Variants in ST7L observed in about 807,000 individuals in gnomAD.
ST7L encodes suppressor of tumorigenicity 7 protein-like.
ST7L carries 57 observed loss-of-function variants against 72.5 expected under a neutral mutation model. The ratio of observed to expected loss-of-function variants is 0.79; its 90% CI spans 0.64 to 0.98. The LOEUF (loss-of-function observed/expected upper bound fraction) is 0.98. ST7L is among the 50% of genes least tolerant of loss of function. The pLI is 0.00. For synonymous variants in ST7L, 221 were observed against 240.9 expected (o/e 0.92, Z 0.77); for missense variants, 576 against 672.2 (o/e 0.86, Z 1.58).
At chr1:112,605,689 C>CA (rs533526835) in intron 3 of ST7L, among the ~76,000 whole-genome samples, 2,219 of 142,676 alleles carry the variant, frequency 0.016, 25 homozygotes, top group East Asian at 0.054. Context: ...GACTCTGTCT[C>CA]AAAAAAAAAA....
rs977970123 is a variant in ST7L, at chr1:112,541,616, T to G, written c.1629+335A>C. Among the ~76,000 whole-genome samples, 6 of 152,226 alleles carry G rather than the reference T, an allele frequency of 3.9e-5. 1 individual carries two copies. The highest frequency in any genetic ancestry group is 2.6e-4 in the Admixed American group (4 of 15,296). ...AATGATTTCATTTAAATGAAAAAAA[T>G]CAAAGGGTTTGTTTACAAAATAGGG... On this transcript the variant is annotated intron_variant, in intron 14 of 14. Coordinates refer to ENST00000358039, the MANE Select transcript of ST7L (RefSeq NM_017744.5).
chr1:112,549,499 A>G (rs1396713421), intron 13 of ST7L, among the ~76,000 whole-genome samples: 1 of 152,226 alleles, frequency 6.6e-6, no homozygotes, highest in South Asian at 2.1e-4. Context: ...TTTAGTGTAC[A>G]TGTCTTAAAT....
At chr1:112,594,164 A>AT (rs1376739915) in intron 5 of ST7L, among the ~76,000 whole-genome samples, 1 of 150,766 alleles carries the variant, frequency 6.6e-6, no homozygotes, top group African/African-American at 2.4e-5. Flanking sequence ...CACAATTCCT[A>AT]TACCTGCTCA....
At chr1:112,597,055 C>T (rs1463292084) in intron 5 of ST7L, among the ~76,000 whole-genome samples, 1 of 152,104 alleles carries the variant, frequency 6.6e-6, no homozygotes, top group Non-Finnish European at 1.5e-5. Context: ...AGTTTATACC[C>T]TAGTAGCAAA....
downstream of ST7L, chr1:112,521,593 GC>G (rs1475643635): frequency 6.6e-6 from 1 of 152,278 alleles, no homozygotes. Flanking sequence ...GCAGGTTGGG[GC>G]CAAAGTGATA....
intron 1 of ST7L, among the ~76,000 whole-genome samples, chr1:112,617,494 T>C (rs1670054785): frequency 3.9e-5 from 6 of 152,270 alleles, no homozygotes; most frequent in African/African-American, 1.2e-4. Flanking sequence ...GGAGGATCAC[T>C]GGTAGCCAGA....
At chr1:112,618,156 G>GT in intron 1 of ST7L, 1 of 1,264,006 alleles carries the variant, frequency 7.9e-7, no homozygotes, top group Non-Finnish European at 1.0e-6. Flanking sequence ...TAATCACATG[G>GT]TAAGGGGACC....
At chr1:112,606,849 C>T (rs896548578) in intron 3 of ST7L, among the ~76,000 whole-genome samples, 1 of 152,088 alleles carries the variant, frequency 6.6e-6, no homozygotes, top group African/African-American at 2.4e-5. Flanking sequence ...CTTCTTCTTA[C>T]AAAGCCATCA....
At chr1:112,577,169 C>G in intron 10 of ST7L, 81 bp from the exon 11 acceptor site, 1 of 828,292 alleles carries the variant, frequency 1.2e-6, no homozygotes, top group Non-Finnish European at 1.8e-6. Flanking sequence ...AATACAGCCC[C>G]TTGAATCAAA....
At chr1:112,562,993 G>A (rs1334584017) in intron 11 of ST7L, among the ~76,000 whole-genome samples, 3 of 152,080 alleles carry the variant, frequency 2.0e-5, no homozygotes, top group African/African-American at 7.2e-5. Context: ...ACAGTAACAG[G>A]TGGTTACTTC....
rs533809177 is a variant in ST7L, at chr1:112,588,554, G to T, written c.701+2971C>A. ...GATGGTCATGTAGTTCTTGTCTTTT[G>T]GTCTACTAATGTGGAGTATTACATT... On this transcript the variant is annotated intron_variant, in intron 6 of 14. Coordinates refer to ENST00000358039, the MANE Select transcript of ST7L (RefSeq NM_017744.5). 2.6e-5 allele frequency among the ~76,000 whole-genome samples: 4 copies of T among 152,072 alleles called. No individual in the cohort carries two copies. In the East Asian group the frequency reaches 7.7e-4, roughly 29 times the overall value.
rs1255810749 is a variant in ST7L at position 112,532,581 on chromosome 1, C to T, written c.1630-6470G>A. Among the ~76,000 whole-genome samples the T allele has an allele frequency of 3.9e-5, 6 of 152,298 alleles. No homozygotes were observed. In the East Asian group the frequency reaches 1.2e-3, roughly 29 times the overall value. On this transcript the variant is annotated intron_variant, in intron 14 of 14. Coordinates refer to ENST00000358039, the MANE Select transcript of ST7L (RefSeq NM_017744.5). ...AAGGATGTTTAAAGGAAACATAGCC[C>T]TTTTCTACACTTTGAACAGTTTTAT...
intron 2 of ST7L, 72 bp from the exon 3 acceptor site, chr1:112,611,075 C>A: frequency 6.8e-7 from 1 of 1,475,864 alleles, no homozygotes; most frequent in South Asian, 1.3e-5. Context: ...AAAACATTCT[C>A]TCAAGATGTC....
intron 5 of ST7L, among the ~76,000 whole-genome samples, chr1:112,594,387 T>C (rs1666130852): frequency 1.3e-5 from 2 of 152,168 alleles, no homozygotes; most frequent in African/African-American, 4.8e-5. Context: ...TATTAAACAG[T>C]GAAGCTTGGC....
At chr1:112,592,070 G>C (rs1444558191) in intron 5 of ST7L, among the ~76,000 whole-genome samples, 1 of 151,646 alleles carries the variant, frequency 6.6e-6, no homozygotes, top group Non-Finnish European at 1.5e-5. Context: ...GTACGGGCTT[G>C]CGTTTTGTGT....
intron 7 of ST7L, 95 bp downstream of exon 7, chr1:112,583,877 G>GT: frequency 7.2e-7 from 1 of 1,393,334 alleles, no homozygotes; most frequent in Non-Finnish European, 9.7e-7. Context: ...TAACTAACCT[G>GT]TAAGTATTAA....
rs1557716824 is a variant in ST7L, at chr1:112,617,751, AC to A, written c.206-857del. Among the ~76,000 whole-genome samples, 892 of 151,176 alleles carry A rather than the reference AC, an allele frequency of 5.9e-3. 14 individuals are homozygous for A. Among genetic ancestry groups the A allele is most frequent in the African/African-American group, 0.021 (841 of 40,802 alleles). ...CACACACACACACACACACACACACACACACGAAACGTAAAAAAGAAAAATC... is the reference window on the plus strand; with the variant it reads ...CACACACACACACACACACACACACAACACGAAACGTAAAAAAGAAAAATC... On this transcript the variant is annotated intron_variant, in intron 1 of 14. Coordinates refer to ENST00000358039, the MANE Select transcript of ST7L (RefSeq NM_017744.5).
At chr1:112,599,073 A>AAAAAAAAAAAAATATAT (rs1190968815) in intron 4 of ST7L, among the ~76,000 whole-genome samples, 1 of 56,992 alleles carries the variant, frequency 1.8e-5, no homozygotes, top group Non-Finnish European at 3.1e-5. Context: ...AAAAAAAAAA[A>AAAAAAAAAAAAATATAT]ATATATATAT....
intron 13 of ST7L, among the ~76,000 whole-genome samples, chr1:112,544,066 A>C (rs1044316897): frequency 6.6e-6 from 1 of 152,176 alleles, no homozygotes; most frequent in Non-Finnish European, 1.5e-5. Flanking sequence ...TTGAATAACA[A>C]TACTGAGATG....
Sources: allele counts gnomAD v4.1 joint callset (sites outside exome capture counted in the v4.1 genomes callset), GRCh38; gene constraint gnomAD v4.1.1; transcripts MANE v1.5; gene names NCBI Gene and HGNC (gene_info 2026-07-23, HGNC 2026-07-21).